BICDL1: variants seen among roughly 807,000 people sequenced by gnomAD.
BICDL1 encodes the protein BICD family-like cargo adapter 1.
A neutral mutation model predicts 76.8 loss-of-function variants in BICDL1; 20 were observed. That is an observed-to-expected ratio of 0.26 (90% CI 0.18 to 0.38). The LOEUF (loss-of-function observed/expected upper bound fraction) is 0.38, where lower values mean the gene tolerates loss of function less well. BICDL1 is among the 10% of genes least tolerant of loss of function. The pLI, the probability that BICDL1 is intolerant of heterozygous loss-of-function variation, is 1.00. For missense variants in BICDL1, 700 were observed against 798.6 expected, an observed-to-expected ratio of 0.88 and a Z score of 1.49; for synonymous variants, 383 against 337.1, an observed-to-expected ratio of 1.14 and a Z score of -1.49.
chr12:120,024,807 CCACCA>C (rs748396786), intron 2 of BICDL1, among the ~76,000 whole-genome samples: 1 of 151,500 alleles, frequency 6.6e-6, no homozygotes, highest in Non-Finnish European at 1.5e-5. Flanking sequence ...CAGGTGTGTA[CCACCA>C]CACCTGGCAT....
chr12:119,990,384 C>T (rs1397109834), intron 1 of BICDL1, 87 bp downstream of exon 1: 1 of 1,508,174 alleles, frequency 6.6e-7, no homozygotes, highest in Non-Finnish European at 8.8e-7. Context: ...CCACTCACCC[C>T]CACTTCGTTG....
At chr12:120,051,220 G>A (rs566473435) in intron 2 of BICDL1, among the ~76,000 whole-genome samples, 6 of 152,114 alleles carry the variant, frequency 3.9e-5, no homozygotes, top group African/African-American at 1.4e-4. Flanking sequence ...GCTAATTTTT[G>A]TATTTTTAGT....
chr12:120,050,246 TC>T (rs1482377001), intron 2 of BICDL1, among the ~76,000 whole-genome samples: 1 of 151,942 alleles, frequency 6.6e-6, no homozygotes, highest in Non-Finnish European at 1.5e-5. Context: ...GCTTTATAGA[TC>T]TATTCTCTTT....
chr12:119,996,275 A>G (rs1951643670), intron 1 of BICDL1, among the ~76,000 whole-genome samples: 2 of 152,182 alleles, frequency 1.3e-5, no homozygotes, highest in Non-Finnish European at 2.9e-5. Context: ...CTTTTGGCAC[A>G]TTCTTTTGAC....
At chr12:120,026,057 C>T (rs1263244745) in intron 2 of BICDL1, among the ~76,000 whole-genome samples, 3 of 152,178 alleles carry the variant, frequency 2.0e-5, no homozygotes, top group African/African-American at 7.2e-5. Flanking sequence ...AGGCTGGTCT[C>T]GAACTCCTGG....
chr12:120,058,325 G>A (rs1184125715), intron 2 of BICDL1, among the ~76,000 whole-genome samples: 3 of 152,136 alleles, frequency 2.0e-5, no homozygotes, highest in Admixed American at 6.5e-5. Context: ...TAAGAAGATC[G>A]CTTTGAGAAG....
In BICDL1 at chr12:119,989,824, C is replaced by G. The variant is rs1164623963; in HGVS notation, c.-45C>G. 30 of 1,070,568 alleles carry G rather than the reference C, an allele frequency of 2.8e-5. 2 individuals carry two copies. In the South Asian group the frequency reaches 1.2e-3, roughly 44 times the overall value. The allele number at this position is 1,070,568 out of a possible 1,614,324, so 66.3% of individuals were successfully genotyped here. A position where few individuals can be genotyped will look rare whatever the true frequency, so the allele number is the denominator to read the frequency against. On this transcript the variant is annotated 5_prime_UTR_variant, in exon 1 of 10. Coordinates refer to ENST00000548673, the MANE Select transcript of BICDL1 (RefSeq NM_001367886.1). The stretch of plus-strand genomic sequence containing the variant: ...GGCCCCTCCCCCCTGCAGCCTGGCG[C>G]GCGCGGGCCGGGCCGCACCGCTGCG...
At chr12:119,998,266 C>T (rs1951692014) in intron 1 of BICDL1, among the ~76,000 whole-genome samples, 1 of 152,090 alleles carries the variant, frequency 6.6e-6, no homozygotes, top group Admixed American at 6.6e-5. Flanking sequence ...GAACCTCATG[C>T]CTAAGGATAA....
intron 2 of BICDL1, among the ~76,000 whole-genome samples, chr12:120,038,043 T>C (rs940693421): frequency 6.6e-6 from 1 of 152,224 alleles, no homozygotes; most frequent in African/African-American, 2.4e-5. Context: ...GTTTGTCCCA[T>C]GCTTTTGAAG....
chr12:120,016,404 A>G (rs1157287159), intron 2 of BICDL1, among the ~76,000 whole-genome samples: 2 of 140,430 alleles, frequency 1.4e-5, no homozygotes, highest in East Asian at 2.2e-4. Flanking sequence ...GATATTTAGG[A>G]GTGGAATTGC....
At position 120,072,712 on chromosome 12, in the gene BICDL1, G is replaced by A; in HGVS notation, c.1291G>A (p.Asp431Asn). ...CAAGAGACTGATACAGAGCATTGTG[G>A]ATGGCATGGAGCCCACGGTAAGAGG... ...ELKRLIQSIV[D>N]GMEPTGSRRL... Residue 431 changes from aspartate to asparagine, a missense_variant, in exon 6 of 10, where the codon GAT becomes AAT. By Grantham distance (23) the Asp-to-Asn change is conservative (BLOSUM62 1). Transcript: ENST00000548673. 3 of 1,612,930 alleles carry A rather than the reference G, an allele frequency of 1.9e-6. No homozygotes were observed. Among genetic ancestry groups the A allele is most frequent in the Non-Finnish European group, 2.5e-6 (3 of 1,179,920 alleles).
In BICDL1 at chr12:120,094,031, T is replaced by A; in HGVS notation, c.*870T>A. 1 of 367,732 alleles carries A rather than the reference T, an allele frequency of 2.7e-6. No homozygotes were observed. Among genetic ancestry groups the A allele is most frequent in the South Asian group, 2.0e-5 (1 of 51,240 alleles). 22.8% of individuals were successfully genotyped at this position (367,732 alleles called of 1,614,324 possible). On this transcript the variant is annotated 3_prime_UTR_variant, in exon 10 of 10. Coordinates refer to ENST00000548673, the MANE Select transcript of BICDL1 (RefSeq NM_001367886.1). Reference sequence around the variant, plus strand: ...AGCCAAACAAGTCCAGGCCACTGAATGGCACCAGAGGGGTCTGTGGTCAGC... The same window carrying A: ...AGCCAAACAAGTCCAGGCCACTGAAAGGCACCAGAGGGGTCTGTGGTCAGC...
At position 120,008,936 on chromosome 12, in the gene BICDL1, G is replaced by T. The variant is rs556118391; in HGVS notation, c.645+10200G>T. Among the ~76,000 whole-genome samples, 135 of 150,992 alleles carry T rather than the reference G, an allele frequency of 8.9e-4. 1 individual carries two copies. Among genetic ancestry groups the T allele is most frequent in the African/African-American group, 3.0e-3 (123 of 41,110 alleles). On this transcript the variant is annotated intron_variant, in intron 2 of 9. Coordinates refer to ENST00000548673, the MANE Select transcript of BICDL1 (RefSeq NM_001367886.1). ...AGGGTGGTAATTGCTTATTCTTCCG[G>T]CATAGAGGTGTTTTTTTTTTTTTTT...
chr12:120,085,203 T>G (rs1461275122), intron 8 of BICDL1, among the ~76,000 whole-genome samples: 1 of 151,830 alleles, frequency 6.6e-6, no homozygotes, highest in East Asian at 1.9e-4. Flanking sequence ...CCCAGCGCTT[T>G]GGGAGGCTGA....
At chr12:120,090,640 A>T in intron 9 of BICDL1, 1 of 355,596 alleles carries the variant, frequency 2.8e-6, no homozygotes, top group Non-Finnish European at 5.5e-6. Flanking sequence ...AGGTTGAGGT[A>T]GCACAGTTTT....
intron 2 of BICDL1, chr12:120,019,234 CTGGGCA>C (rs1367897823): frequency 6.6e-6 from 1 of 151,980 alleles, no homozygotes; most frequent in Non-Finnish European, 1.5e-5. Flanking sequence ...GCACTCCAAC[CTGGGCA>C]TCATAGTGAG....
In BICDL1 at chr12:120,079,485, A is replaced by C. The variant is rs1873807127; in HGVS notation, c.1453-1402A>C. On this transcript the variant is annotated intron_variant, in intron 7 of 9. Transcript: ENST00000548673. The surrounding 1 kb of genome is among the most constrained non-coding windows in gnomAD (Gnocchi z 4.3). ...TTGTCCCGTTGTGGGAGGGAGGCAG[A>C]CCTGTATGGATGGATCCTCCCTTGG... Among the ~76,000 whole-genome samples the C allele has an allele frequency of 1.3e-5, 2 of 152,144 alleles. No individual in the cohort carries two copies. Among genetic ancestry groups the C allele is most frequent in the African/African-American group, 4.8e-5 (2 of 41,414 alleles).
chr12:119,993,775 G>T (rs1463284154), intron 1 of BICDL1, among the ~76,000 whole-genome samples: 1 of 151,986 alleles, frequency 6.6e-6, no homozygotes, highest in Non-Finnish European at 1.5e-5. Flanking sequence ...CCACCATCAT[G>T]CCTGGCTAAT....
At chr12:120,015,167 C>T (rs948326796) in intron 2 of BICDL1, among the ~76,000 whole-genome samples, 2 of 152,126 alleles carry the variant, frequency 1.3e-5, no homozygotes, top group African/African-American at 2.4e-5. Flanking sequence ...CTTGTTGAAG[C>T]TTTCTTAACT....
Sources: gnomAD v4.1 joint callset for allele counts (sites outside exome capture counted in the v4.1 genomes callset) on GRCh38, gnomAD v4.1.1 for gene constraint, Gnocchi (gnomAD v3.1) non-coding constraint, MANE v1.5 for transcripts, NCBI Gene and HGNC (gene_info 2026-07-23, HGNC 2026-07-21) for gene names.